Variants in SMURF2 observed in about 807,000 individuals in gnomAD.
The protein encoded by SMURF2 is E3 ubiquitin-protein ligase SMURF2.
Under a neutral mutation model 109.6 loss-of-function variants are expected in SMURF2, and 48 were observed. The ratio of observed to expected loss-of-function variants is 0.44; its 90% CI spans 0.35 to 0.56. The LOEUF (loss-of-function observed/expected upper bound fraction) is 0.56, where lower values mean the gene tolerates loss of function less well. Ranked by LOEUF, SMURF2 falls within the 20% of genes least tolerant of loss-of-function variation. The probability of loss-of-function intolerance (pLI) is 0.01; values close to 1 mark genes in which losing one functional copy is unlikely to be tolerated. For missense variants in SMURF2, 575 were observed against 909.0 expected (o/e 0.63, Z 4.72); for synonymous variants, 288 against 317.1 (o/e 0.91, Z 0.97).
chr17:64,554,902 C>T lies in SMURF2; in HGVS notation c.1702G>A (p.Gly568Ser). ...EIIQHELKPN[G>S]KSIPVNEENK... ...TCTTCATTAACAGGGATACTTTTGC[C>T]ATTTGGTTTAAGTTCATGCTGAATA... Residue 568 changes from glycine (G) to serine (S), a missense_variant, in exon 15 of 19, where the codon GGC becomes AGC. By Grantham distance (56) the Gly-to-Ser change is moderately conservative (BLOSUM62 0). Coordinates refer to ENST00000262435, the MANE Select transcript of SMURF2 (RefSeq NM_022739.4). The T allele has an allele frequency of 6.2e-7, 1 of 1,613,636 alleles. No homozygotes were observed. The highest frequency in any genetic ancestry group is 8.5e-7 in the Non-Finnish European group (1 of 1,179,724).
In SMURF2 at chr17:64,543,939, T is replaced by A. The variant is rs192969679; in HGVS notation, c.*1909A>T. On this transcript the variant is annotated 3_prime_UTR_variant, in exon 19 of 19. Transcript: ENST00000262435. ...AATGCAATGTAAAAAAAACAAATTG[T>A]TTGAGAGGAAAAAGGTAGGCATAAG... 6.6e-6 allele frequency: 1 copy of A among 152,252 alleles called. No individual in the cohort carries two copies. The highest frequency in any genetic ancestry group is 2.4e-5 in the African/African-American group (1 of 41,548). 9.4% of individuals were successfully genotyped at this position (152,252 alleles called of 1,614,324 possible). A position where few individuals can be genotyped will look rare whatever the true frequency, so the allele number is the denominator to read the frequency against.
chr17:64,573,990 G>A (rs112032438), intron 9 of SMURF2, among the ~76,000 whole-genome samples: 85 of 152,274 alleles, frequency 5.6e-4, no homozygotes, highest in Middle Eastern at 6.8e-3. Context: ...GGTGGAAGGT[G>A]GAAGAAGGGA....
chr17:64,557,699 T>C lies in SMURF2; in HGVS notation c.1340A>G (p.His447Arg). 1 of 1,610,722 alleles carries C rather than the reference T, an allele frequency of 6.2e-7. No homozygotes were observed. The highest frequency in any genetic ancestry group is 8.5e-7 in the Non-Finnish European group (1 of 1,177,754). Residue 447 changes from histidine to arginine, a missense_variant, in exon 13 of 19, where the codon CAT (histidine) becomes CGT (arginine). Coordinates refer to ENST00000262435, the MANE Select transcript of SMURF2 (RefSeq NM_022739.4). Reference sequence around the variant, plus strand: ...GCCATAGTATGGATTCAACATTTCATGTGACAAGAGATACAACCATTCCCT... The same window carrying C: ...GCCATAGTATGGATTCAACATTTCACGTGACAAGAGATACAACCATTCCCT... ...VAREWLYLLS[H>R]EMLNPYYGLF...
At chr17:64,608,413 T>C (rs574927567) in intron 1 of SMURF2, among the ~76,000 whole-genome samples, 24 of 152,242 alleles carry the variant, frequency 1.6e-4, no homozygotes, top group African/African-American at 5.5e-4. Context: ...AGTTTTGTTT[T>C]TAAAAACATA....
intron 2 of SMURF2, among the ~76,000 whole-genome samples, chr17:64,606,149 A>C (rs1354140566): frequency 2.0e-5 from 3 of 152,178 alleles, no homozygotes; most frequent in Non-Finnish European, 2.9e-5. Flanking sequence ...TCTAGGATCA[A>C]ATGTGGCAGA....
rs1555686487 is a variant in SMURF2 at position 64,580,798 on chromosome 17, C to G, written c.763G>C (p.Glu255Gln). The change falls in exon 8 of 19, where the codon GAA (glutamate) becomes CAA (glutamine). Residue 255 changes from glutamate to glutamine, a missense_variant. Physicochemically the swap from Glu to Gln is conservative, Grantham distance 29 (BLOSUM62 2). Transcript: ENST00000262435. ...TTTGTAGTTGTCATACCATAGCCTT[C>G]TGGTAGGTCTGGAGGAGTATGTAAA... ...THLHTPPDLP[E>Q]GYEQRTTQQG... 1.2e-6 allele frequency: 2 copies of G among 1,613,914 alleles called. No individual in the cohort carries two copies. The highest frequency in any genetic ancestry group is 2.2e-5 in the South Asian group (2 of 91,080).
chr17:64,646,621 G>A (rs1020797822), intron 1 of SMURF2, among the ~76,000 whole-genome samples: 2 of 149,742 alleles, frequency 1.3e-5, no homozygotes, highest in Admixed American at 6.7e-5. Flanking sequence ...GAGCTCAAGC[G>A]ATCCATCCCT....
At chr17:64,652,707 A>C (rs1970656219) in intron 1 of SMURF2, among the ~76,000 whole-genome samples, 1 of 152,198 alleles carries the variant, frequency 6.6e-6, no homozygotes, top group Admixed American at 6.5e-5. Context: ...GCTGGTCTAG[A>C]ACTCCTGACC....
intron 1 of SMURF2, among the ~76,000 whole-genome samples, chr17:64,624,184 A>G (rs924286207): frequency 2.6e-5 from 4 of 152,180 alleles, no homozygotes; most frequent in Non-Finnish European, 5.9e-5. Flanking sequence ...CCTTAATACG[A>G]TATCAAAATG....
intron 10 of SMURF2, among the ~76,000 whole-genome samples, chr17:64,569,302 A>G (rs1232297005): frequency 1.5e-5 from 2 of 132,444 alleles, no homozygotes; most frequent in Non-Finnish European, 3.3e-5. Context: ...ACTCCATCTA[A>G]AAAAAAAAAA....
At chr17:64,546,823 T>C (rs1968960370) in intron 17 of SMURF2, among the ~76,000 whole-genome samples, 2 of 152,226 alleles carry the variant, frequency 1.3e-5, no homozygotes, top group Admixed American at 6.5e-5. Flanking sequence ...AACTTCACTT[T>C]ATGCATCTGG....
Position 64,580,924 on chromosome 17 carries a change from T to C in SMURF2, c.637A>G (p.Ser213Gly), listed in dbSNP as rs1555686522. 6.2e-7 allele frequency: 1 copy of C among 1,614,182 alleles called. No homozygotes were observed. The highest frequency in any genetic ancestry group is 8.5e-7 in the Non-Finnish European group (1 of 1,180,022). Residue 213 changes from serine to glycine, a missense_variant, in exon 8 of 19, where the codon AGT becomes GGT. By Grantham distance (56) the Ser-to-Gly change is moderately conservative (BLOSUM62 0). This residue lies in a region of SMURF2 where 151 missense variants were observed against 178.4 expected (regional missense o/e 0.85). Coordinates refer to ENST00000262435, the MANE Select transcript of SMURF2 (RefSeq NM_022739.4). ...SCFVDENTPI[S>G]GTNGATCGQS... is the part of the protein sequence containing the mutation. ...CCACATGTTGCACCATTTGTTCCACTAATTGGAGTGTTCTCATCAACAAAG... is the reference window on the plus strand; with the variant it reads ...CCACATGTTGCACCATTTGTTCCACCAATTGGAGTGTTCTCATCAACAAAG...
At chr17:64,561,053 T>C (rs1474583616) in intron 12 of SMURF2, 21 of 153,012 alleles carry the variant, frequency 1.4e-4, no homozygotes, top group Non-Finnish European at 2.8e-4. Flanking sequence ...CTACCTTCTG[T>C]ACTGAAACAT....
chr17:64,573,426 C>T (rs1364453906), intron 9 of SMURF2, among the ~76,000 whole-genome samples: 2 of 152,094 alleles, frequency 1.3e-5, no homozygotes, highest in Non-Finnish European at 2.9e-5. Context: ...TCCTTAGTCA[C>T]AGTGAAACCA....
rs368826223 is a variant in SMURF2 at position 64,629,370 on chromosome 17, G to A, written c.53-22730C>T. ...ATTTTTTTAATTAGCCAGGCATGGT[G>A]GCGCTTGCCTGTAGTCCCAGCTACC... On this transcript the variant is annotated intron_variant, in intron 1 of 18. Coordinates refer to ENST00000262435, the MANE Select transcript of SMURF2 (RefSeq NM_022739.4). Among the ~76,000 whole-genome samples, 13 of 152,180 alleles carry A rather than the reference G, an allele frequency of 8.5e-5. No individual in the cohort carries two copies. The East Asian group carries it at 2.1e-3, about 25-fold the overall frequency.
At chr17:64,586,750 CAAAAAA>C (rs782490512) in intron 5 of SMURF2, among the ~76,000 whole-genome samples, 1 of 27,468 alleles carries the variant, frequency 3.6e-5, no homozygotes, top group African/African-American at 1.3e-4. Context: ...GACTCCGTCT[CAAAAAA>C]AAAAAAAAAA....
At chr17:64,618,561 G>A (rs1397022224) in intron 1 of SMURF2, among the ~76,000 whole-genome samples, 1 of 152,134 alleles carries the variant, frequency 6.6e-6, no homozygotes, top group Admixed American at 6.5e-5. Flanking sequence ...CCTGTCTGCT[G>A]CTGCTGGAGA....
intron 16 of SMURF2, among the ~76,000 whole-genome samples, chr17:64,548,221 A>G (rs1968987248): frequency 1.3e-5 from 2 of 152,198 alleles, no homozygotes; most frequent in Admixed American, 1.3e-4. Context: ...GACCTGCATC[A>G]TCTACTAGTT....
chr17:64,592,208 C>A (rs1969759787), intron 4 of SMURF2, among the ~76,000 whole-genome samples: 2 of 152,162 alleles, frequency 1.3e-5, no homozygotes, highest in Admixed American at 6.6e-5. Flanking sequence ...CTTTATACAG[C>A]CAGGGTTTAG....
Sources: gnomAD v4.1 joint callset for allele counts (sites outside exome capture counted in the v4.1 genomes callset) on GRCh38, gnomAD v4.1.1 for gene constraint, gnomAD v4.1.1 regional missense constraint, MANE v1.5 for transcripts, NCBI Gene and HGNC (gene_info 2026-07-23, HGNC 2026-07-21) for gene names.